ZNF721: variants seen among roughly 807,000 people sequenced by gnomAD.
ZNF721 encodes zinc finger protein 721.
ZNF721 carries 2 observed loss-of-function variants against 2.4 expected under a neutral mutation model. That is an observed-to-expected ratio of 0.82 (90% confidence interval 0.34 to 2.58). The LOEUF (loss-of-function observed/expected upper bound fraction) is 2.58. Ranked by LOEUF, ZNF721 falls within the 30% of genes most tolerant of loss-of-function variation. The pLI, the probability that ZNF721 is intolerant of heterozygous loss-of-function variation, is 0.11. For synonymous variants in ZNF721, 398 were observed against 381.8 expected (o/e 1.04, Z -0.50); for missense variants, 1,187 against 1,085.5 (o/e 1.09, Z -1.31).
At chr4:477,292 G>A (rs1183330010) in intron 1 of ZNF721, among the ~76,000 whole-genome samples, 4 of 117,678 alleles carry the variant, frequency 3.4e-5, no homozygotes, top group Non-Finnish European at 6.4e-5. Flanking sequence ...ACAGAGTCTC[G>A]TCTCACTCTG....
chr4:472,752 G>A, intron 1 of ZNF721, 51 bp from the exon 2 acceptor site: 4 of 1,603,796 alleles, frequency 2.5e-6, no homozygotes, highest in Non-Finnish European at 3.4e-6. Context: ...GACTACAGGT[G>A]AAATGTGTTA....
intron 2 of ZNF721, among the ~76,000 whole-genome samples, chr4:461,746 G>T (rs1272632109): frequency 6.6e-6 from 1 of 152,122 alleles, no homozygotes; most frequent in Non-Finnish European, 1.5e-5. Flanking sequence ...GGTGGCACAT[G>T]CCTGTAATCC....
intron 1 of ZNF721, among the ~76,000 whole-genome samples, chr4:496,176 T>C (rs1716148470): frequency 6.6e-6 from 1 of 152,170 alleles, no homozygotes; most frequent in Admixed American, 6.5e-5. Context: ...GTTGGGTATT[T>C]AGCCGCTTCA....
chr4:479,173 ATGAAGCTGCT>A (rs1715711863), intron 1 of ZNF721, among the ~76,000 whole-genome samples: 1 of 152,174 alleles, frequency 6.6e-6, no homozygotes, highest in Admixed American at 6.5e-5. Context: ...CAACTCCAAG[ATGAAGCTGCT>A]GCTTCTTCCA....
chr4:441,802 C>T lies in ZNF721; in HGVS notation c.2665G>A (p.Gly889Arg). Residue 889 changes from glycine (G) to arginine (R), a missense_variant, in exon 3 of 3, where the codon GGA becomes AGA. Physicochemically the swap from Gly to Arg is moderately radical, Grantham distance 125 (BLOSUM62 -2). Coordinates refer to ENST00000511833, the MANE Select transcript of ZNF721 (RefSeq NM_133474.4). ...TCTCCACACGTGTAGGGTTTCTCTCCAGTATGAATTTTCTTATGCGCATAA... is the reference window on the plus strand; with the variant it reads ...TCTCCACACGTGTAGGGTTTCTCTCTAGTATGAATTTTCTTATGCGCATAA... ...NLYAHKKIHT[G>R]EKPYTCGDCG... 9 of 1,613,884 alleles carry T rather than the reference C, an allele frequency of 5.6e-6. No homozygotes were observed. Among genetic ancestry groups the T allele is most frequent in the Non-Finnish European group, 7.6e-6 (9 of 1,179,928 alleles).
rs1014228015 is a variant in ZNF721, at chr4:470,308, A to T, written c.34+2267T>A. ...AAACCTTGATACTGGTCTTGGCAAT[A>T]ATTTTTTGATATGCCATCAAAAGCA... On this transcript the variant is annotated intron_variant, in intron 2 of 2. Transcript: ENST00000511833. Among the ~76,000 whole-genome samples, 7 of 152,210 alleles carry T rather than the reference A, an allele frequency of 4.6e-5. No individual in the cohort carries two copies. The East Asian group carries it at 9.6e-4, about 21-fold the overall frequency.
chr4:443,683 AG>A lies in ZNF721; in HGVS notation c.783del (p.Ser262GlnfsTer19), dbSNP rs781990772. 28 of 1,613,694 alleles carry A rather than the reference AG, an allele frequency of 1.7e-5. No individual in the cohort carries two copies. The highest frequency in any genetic ancestry group is 2.3e-5 in the Non-Finnish European group (27 of 1,179,942). Reference protein sequence around the residue: ...CKECGKVISSSSSFAKHKRIH... With the variant: ...CKECGKVISSXSSFAKHKRIH... ...ATCCTCTTATGTTTAGCAAAGCTTGAGGATGAGGAAATGACTTTGCCACATT... is the reference window on the plus strand; with the variant it reads ...ATCCTCTTATGTTTAGCAAAGCTTGAGATGAGGAAATGACTTTGCCACATT... On this transcript the variant is annotated frameshift_variant, in exon 3 of 3. Coordinates refer to ENST00000511833, the MANE Select transcript of ZNF721 (RefSeq NM_133474.4). LOFTEE classifies it low-confidence loss of function (END_TRUNC).
intron 2 of ZNF721, among the ~76,000 whole-genome samples, chr4:466,496 A>AT (rs1715254939): frequency 6.6e-6 from 1 of 152,334 alleles, no homozygotes; most frequent in African/African-American, 2.4e-5. Context: ...CATTTTGTAC[A>AT]TCTCAGTTCA....
intron 2 of ZNF721, among the ~76,000 whole-genome samples, chr4:451,395 A>G (rs544275650): frequency 6.6e-6 from 1 of 152,320 alleles, no homozygotes; most frequent in East Asian, 1.9e-4. Flanking sequence ...AGCCCAGTTC[A>G]CGAAATGCCC....
At chr4:484,738 A>G (rs1715851226) in intron 1 of ZNF721, among the ~76,000 whole-genome samples, 1 of 152,214 alleles carries the variant, frequency 6.6e-6, no homozygotes, top group Non-Finnish European at 1.5e-5. Context: ...GATGTTATCA[A>G]TGACAGTGGT....
chr4:476,314 G>A (rs6599348), intron 1 of ZNF721, among the ~76,000 whole-genome samples: 65,112 of 152,058 alleles, frequency 0.43, 14,782 homozygotes, highest in African/African-American at 0.6. Context: ...AGCAGCAACT[G>A]TATTGGCAGA....
intron 2 of ZNF721, among the ~76,000 whole-genome samples, chr4:469,016 T>C (rs554652789): frequency 6.6e-6 from 1 of 152,316 alleles, no homozygotes; most frequent in African/African-American, 2.4e-5. Context: ...TATGAAACCC[T>C]AGAGTAGAAT....
intron 1 of ZNF721, among the ~76,000 whole-genome samples, chr4:493,311 G>GT (rs1716072191): frequency 6.6e-6 from 1 of 152,102 alleles, no homozygotes; most frequent in African/African-American, 2.4e-5. Context: ...AACAAAGATG[G>GT]TAACAGTCCT....
In ZNF721 at chr4:460,029, G is replaced by A. The variant is rs528918763; in HGVS notation, c.34+12546C>T. On this transcript the variant is annotated intron_variant, in intron 2 of 2. Transcript: ENST00000511833. ...CTTTAACACCCCACTGTCAATATTA[G>A]ATCAATGAGACAGAAAATTAACAAG... Among the ~76,000 whole-genome samples, 33 of 152,184 alleles carry A rather than the reference G, an allele frequency of 2.2e-4. No individual in the cohort carries two copies. In the South Asian group the frequency reaches 6.4e-3, roughly 30 times the overall value.
At chr4:466,098 G>A (rs1715242791) in intron 2 of ZNF721, among the ~76,000 whole-genome samples, 1 of 151,502 alleles carries the variant, frequency 6.6e-6, no homozygotes, top group Admixed American at 6.6e-5. Context: ...CAGGGTTGAA[G>A]CGATTCTCCT....
rs28402243 is a variant in ZNF721 at position 478,457 on chromosome 4, T to C, written c.-93-5756A>G. On this transcript the variant is annotated intron_variant, in intron 1 of 2. Transcript: ENST00000511833. Reference sequence around the variant, plus strand: ...TTGAACTGTTTGCCTCAAGAGATTCTCTCTCCTCTCTCATTTTTTTAACTT... The same window carrying C: ...TTGAACTGTTTGCCTCAAGAGATTCCCTCTCCTCTCTCATTTTTTTAACTT... Among the ~76,000 whole-genome samples, 1,314 of 152,288 alleles carry C rather than the reference T, an allele frequency of 8.6e-3. 23 individuals carry two copies. Among genetic ancestry groups the C allele is most frequent in the African/African-American group, 0.03 (1,248 of 41,546 alleles).
chr4:491,979 C>T (rs1289112188), intron 1 of ZNF721, among the ~76,000 whole-genome samples: 1 of 151,410 alleles, frequency 6.6e-6, no homozygotes. Flanking sequence ...ACTGTGAAAC[C>T]CCATCTCTAC....
intron 2 of ZNF721, 111 bp downstream of exon 2, chr4:472,464 T>C (rs1553867819): frequency 8.4e-7 from 1 of 1,192,402 alleles, no homozygotes; most frequent in Non-Finnish European, 1.2e-6. Context: ...TACATAGCTG[T>C]GTGTGTGAGA....
At chr4:497,616 C>G (rs1716238476) in intron 1 of ZNF721, among the ~76,000 whole-genome samples, 1 of 151,818 alleles carries the variant, frequency 6.6e-6, no homozygotes, top group African/African-American at 2.4e-5. Context: ...GGACAGGGCG[C>G]GGTGTCTCAC....
Sources: gnomAD v4.1 joint callset for allele counts (sites outside exome capture counted in the v4.1 genomes callset) on GRCh38, gnomAD v4.1.1 for gene constraint, MANE v1.5 for transcripts, NCBI Gene and HGNC (gene_info 2026-07-23, HGNC 2026-07-21) for gene names.